The following MKRN1 variants were observed in gnomAD, a reference collection of about 807,000 sequenced individuals.
MKRN1 encodes E3 ubiquitin-protein ligase makorin-1.
MKRN1 carries 9 observed loss-of-function variants against 55.5 expected under a neutral mutation model. That is an observed-to-expected ratio of 0.16 (90% CI 0.10 to 0.28). The LOEUF is 0.28. Ranked by LOEUF, MKRN1 falls within the 10% of genes least tolerant of loss-of-function variation. MKRN1 has a pLI of 1.00. For synonymous variants in MKRN1, 253 were observed against 235.9 expected, an observed-to-expected ratio of 1.07 and a Z score of -0.66; for missense variants, 488 against 626.7, an observed-to-expected ratio of 0.78 and a Z score of 2.36.
At chr7:140,479,065 C>A (rs1795210471) in intron 1 of MKRN1, 95 bp downstream of exon 1, 2 of 1,231,350 alleles carry the variant, frequency 1.6e-6, no homozygotes, top group East Asian at 6.8e-5. Context: ...TCCCGCGCCT[C>A]TAGCCGCAGG....
chr7:140,477,865 G>A (rs773189640), intron 1 of MKRN1, among the ~76,000 whole-genome samples: 5 of 152,214 alleles, frequency 3.3e-5, no homozygotes, highest in Non-Finnish European at 7.3e-5. Flanking sequence ...TTTGCTCCAT[G>A]AGTAGAAACT....
intron 6 of MKRN1, 103 bp downstream of exon 6, chr7:140,455,687 G>T (rs1395735286): frequency 1.2e-5 from 11 of 885,656 alleles, no homozygotes; most frequent in Non-Finnish European, 2.0e-5. Context: ...AGTCAAAGAA[G>T]GGTAGGAAGG....
intron 2 of MKRN1, among the ~76,000 whole-genome samples, chr7:140,468,001 T>TC (rs1446293979): frequency 1.5e-5 from 1 of 68,606 alleles, no homozygotes; most frequent in East Asian, 3.9e-4. Context: ...AAATTCTGTC[T>TC]CAAAAAAAAA....
chr7:140,456,826 A>G lies in MKRN1; in HGVS notation c.812T>C (p.Phe271Ser). 6.2e-7 allele frequency: 1 copy of G among 1,613,976 alleles called. No homozygotes were observed. The highest frequency in any genetic ancestry group is 1.1e-5 in the South Asian group (1 of 91,068). The change falls in exon 5 of 8, where the codon TTT becomes TCT. Residue 271 changes from phenylalanine (F) to serine (S), a missense_variant. This residue lies in a region of MKRN1 where 278 missense variants were observed against 406.7 expected (regional missense o/e 0.68). Transcript: ENST00000255977. ...EAHEKDMELS[F>S]AVQRSKDMVC... ...CATGTCCTTGCTGCGCTGCACGGCAAATGAGAGCTCCATGTCCTTCTCATG... is the reference window on the plus strand; with the variant it reads ...CATGTCCTTGCTGCGCTGCACGGCAGATGAGAGCTCCATGTCCTTCTCATG...
At chr7:140,472,082 T>C in intron 1 of MKRN1, 71 bp from the exon 2 acceptor site, 1 of 1,569,484 alleles carries the variant, frequency 6.4e-7, no homozygotes, top group South Asian at 1.1e-5. Context: ...TTAGTATTCA[T>C]GACTAATATA....
chr7:140,453,407 T>C lies in MKRN1; in HGVS notation c.*1110A>G, dbSNP rs1794386172. 1 of 152,596 alleles carries C rather than the reference T, an allele frequency of 6.6e-6. No individual in the cohort carries two copies. The highest frequency in any genetic ancestry group is 2.4e-5 in the African/African-American group (1 of 41,438). The allele number at this position is 152,596 out of a possible 1,614,324, so 9.5% of individuals were successfully genotyped here. On this transcript the variant is annotated 3_prime_UTR_variant, in exon 8 of 8. Coordinates refer to ENST00000255977, the MANE Select transcript of MKRN1 (RefSeq NM_013446.4). Reference sequence around the variant, plus strand: ...AACAGAGTTTTGAATCACGTCTGTCTACCTGAAAGCTCAGGGGTGGAATGA... The same window carrying C: ...AACAGAGTTTTGAATCACGTCTGTCCACCTGAAAGCTCAGGGGTGGAATGA...
Position 140,454,344 on chromosome 7 carries a change from C to G in MKRN1, c.*173G>C, listed in dbSNP as rs759734863. ...ACTTTTTTCAACAGGGAAAACAACA[C>G]ACTCCTCAGGGAAAGGTGAGGGGTT... On this transcript the variant is annotated 3_prime_UTR_variant, in exon 8 of 8. Transcript: ENST00000255977. 8.0e-6 allele frequency: 5 copies of G among 626,790 alleles called. No individual in the cohort carries two copies. The East Asian group carries it at 1.4e-4, about 17-fold the overall frequency. The allele number at this position is 626,790 out of a possible 1,614,324, so 38.8% of individuals were successfully genotyped here. A position where few individuals can be genotyped will look rare whatever the true frequency, so the allele number is the denominator to read the frequency against.
intron 1 of MKRN1, among the ~76,000 whole-genome samples, chr7:140,475,829 T>C (rs1365761362): frequency 6.6e-6 from 1 of 152,138 alleles, no homozygotes; most frequent in African/African-American, 2.4e-5. Context: ...CAACTTCTCT[T>C]TAAGTATTAA....
chr7:140,474,717 CTTTCT>C (rs1360475074), intron 1 of MKRN1, among the ~76,000 whole-genome samples: 36 of 139,996 alleles, frequency 2.6e-4, no homozygotes, highest in Non-Finnish European at 4.3e-4. Flanking sequence ...GGATTTCCTT[CTTTCT>C]TTTTTTTTTT....
intron 1 of MKRN1, 44 bp from the exon 2 acceptor site, chr7:140,472,055 G>C (rs1348363278): frequency 9.9e-6 from 16 of 1,611,420 alleles, no homozygotes; most frequent in Non-Finnish European, 1.4e-5. Context: ...ACCAATCCTT[G>C]AAAATATTAA....
chr7:140,472,661 T>G (rs1199561344), intron 1 of MKRN1, among the ~76,000 whole-genome samples: 2 of 151,316 alleles, frequency 1.3e-5, no homozygotes, highest in African/African-American at 2.4e-5. Flanking sequence ...GTGCTGAGAT[T>G]ACAAGCGTGA....
chr7:140,456,903 C>T, intron 4 of MKRN1, 37 bp from the exon 5 acceptor site: 1 of 1,583,148 alleles, frequency 6.3e-7, no homozygotes, highest in Non-Finnish European at 8.6e-7. Flanking sequence ...GGAATCCAGT[C>T]ATTGAACCCT....
intron 2 of MKRN1, among the ~76,000 whole-genome samples, chr7:140,461,851 C>T (rs954846475): frequency 1.3e-5 from 2 of 151,968 alleles, no homozygotes; most frequent in Admixed American, 6.6e-5. Context: ...GGCATGGTGG[C>T]GCATGCTTGT....
chr7:140,454,309 T>C lies in MKRN1; in HGVS notation c.*208A>G. ...GTTACAAAAAACTAACTTTAAGATTTATTTTTGTAACTTTTTTCAACAGGG... is the reference window on the plus strand; with the variant it reads ...GTTACAAAAAACTAACTTTAAGATTCATTTTTGTAACTTTTTTCAACAGGG... On this transcript the variant is annotated 3_prime_UTR_variant, in exon 8 of 8. Transcript: ENST00000255977. The C allele has an allele frequency of 1.7e-6, 1 of 591,200 alleles. No individual in the cohort carries two copies. Among genetic ancestry groups the C allele is most frequent in the Non-Finnish European group, 3.0e-6 (1 of 332,758 alleles). The allele number at this position is 591,200 out of a possible 1,614,324, so 36.6% of individuals were successfully genotyped here. A position where few individuals can be genotyped will look rare whatever the true frequency, so the allele number is the denominator to read the frequency against.
At chr7:140,464,946 AC>A (rs1338862100) in intron 2 of MKRN1, among the ~76,000 whole-genome samples, 1 of 151,992 alleles carries the variant, frequency 6.6e-6, no homozygotes, top group African/African-American at 2.4e-5. Flanking sequence ...ACACACCACC[AC>A]ACCCAGCTAA....
chr7:140,474,456 G>A, intron 1 of MKRN1: 2 of 348,468 alleles, frequency 5.7e-6, no homozygotes, highest in Admixed American at 3.1e-5. Context: ...CCCAGAGGTT[G>A]CAGTGAACCA....
In MKRN1 at chr7:140,455,107, T is replaced by G; in HGVS notation, c.1224A>C (p.Ser408=). The part of the protein sequence containing the change: ...EEPQRQKVGT[S]SRYRAQRRNH... ...CAGTGAGAGTTACCCGGTATCTGCT[T>G]GATGTTCCCACTTTCTGTCTCTGTG... Residue 408 remains serine, a synonymous_variant, in exon 7 of 8, where the codon TCA becomes TCC. Transcript: ENST00000255977. The G allele has an allele frequency of 6.2e-7, 1 of 1,613,870 alleles. No homozygotes were observed. Among genetic ancestry groups the G allele is most frequent in the East Asian group, 2.2e-5 (1 of 44,860 alleles).
chr7:140,458,922 T>TTC (rs1794540670), intron 4 of MKRN1, 85 bp downstream of exon 4: 14 of 1,398,206 alleles, frequency 1.0e-5, no homozygotes, highest in Non-Finnish European at 1.3e-5. Context: ...CATCAAATGT[T>TTC]TCTCTGAAAT....
intron 1 of MKRN1, chr7:140,475,193 A>C: frequency 2.3e-6 from 1 of 432,550 alleles, no homozygotes; most frequent in South Asian, 1.6e-5. Context: ...CGTACAAATA[A>C]TTAGCCGAGT....
Sources: allele counts gnomAD v4.1 joint callset (sites outside exome capture counted in the v4.1 genomes callset), GRCh38; gene constraint gnomAD v4.1.1; regional missense constraint gnomAD v4.1.1; transcripts MANE v1.5; gene names NCBI Gene and HGNC (gene_info 2026-07-23, HGNC 2026-07-21).